PARP14: variants seen among roughly 807,000 people sequenced by gnomAD.
PARP14 encodes the protein protein mono-ADP-ribosyltransferase PARP14.
Under a neutral mutation model 154.2 loss-of-function variants are expected in PARP14, and 59 were observed. The observed-to-expected ratio is 0.38, with a 90% CI of 0.31 to 0.48. The LOEUF is 0.48. Ranked by LOEUF, PARP14 falls within the 20% of genes least tolerant of loss-of-function variation. The probability of loss-of-function intolerance (pLI) is 0.98; values close to 1 mark genes in which losing one functional copy is unlikely to be tolerated. For synonymous variants in PARP14, 720 were observed against 780.5 expected, an observed-to-expected ratio of 0.92 and a Z score of 1.29; for missense variants, 1,734 against 2,131.6, an observed-to-expected ratio of 0.81 and a Z score of 3.67.
At chr3:122,687,214 A>G (rs1938400598) in intron 3 of PARP14, 101 bp downstream of exon 3, 3 of 790,578 alleles carry the variant, frequency 3.8e-6, no homozygotes, top group South Asian at 3.0e-5. Flanking sequence ...GACTTCCACT[A>G]TGCAGGATGT....
At chr3:122,714,962 G>C (rs1174193139) in intron 12 of PARP14, among the ~76,000 whole-genome samples, 1 of 152,196 alleles carries the variant, frequency 6.6e-6, no homozygotes, top group Non-Finnish European at 1.5e-5. Flanking sequence ...CCAGAACCTA[G>C]TGGGTCAGAA....
At position 122,720,710 on chromosome 3, in the gene PARP14, C is replaced by T. The variant is rs1161909054; in HGVS notation, c.4941+322C>T. ...ATAGCTAGCAAATTCCACAGAGAGCCATGCAGAGGCTCCTTAGATCAGGAC... is the reference window on the plus strand; with the variant it reads ...ATAGCTAGCAAATTCCACAGAGAGCTATGCAGAGGCTCCTTAGATCAGGAC... On this transcript the variant is annotated intron_variant, in intron 15 of 16. Coordinates refer to ENST00000474629, the MANE Select transcript of PARP14 (RefSeq NM_017554.3). 4 of 455,278 alleles carry T rather than the reference C, an allele frequency of 8.8e-6. No individual in the cohort carries two copies. In the East Asian group the frequency reaches 1.9e-4, roughly 22 times the overall value. The allele number at this position is 455,278 out of a possible 1,614,324, so 28.2% of individuals were successfully genotyped here.
chr3:122,689,253 T>G (rs1938467637), intron 3 of PARP14, among the ~76,000 whole-genome samples: 1 of 152,222 alleles, frequency 6.6e-6, no homozygotes, highest in African/African-American at 2.4e-5. Context: ...ACAATCAGTC[T>G]GCTCGTCACC....
At chr3:122,703,234 G>A (rs766156900) in intron 6 of PARP14, among the ~76,000 whole-genome samples, 6 of 152,030 alleles carry the variant, frequency 3.9e-5, no homozygotes, top group Non-Finnish European at 7.4e-5. Flanking sequence ...AAAAGCTTCC[G>A]GGGCTGCTCC....
At chr3:122,708,112 C>A in intron 8 of PARP14, 78 bp from the exon 9 acceptor site, 1 of 718,666 alleles carries the variant, frequency 1.4e-6, no homozygotes, top group Non-Finnish European at 2.4e-6. Context: ...TGTGTGCATG[C>A]AGGACAAAAC....
chr3:122,718,233 G>T lies in PARP14; in HGVS notation c.4163G>T (p.Gly1388Val). The T allele has an allele frequency of 6.2e-7, 1 of 1,613,524 alleles. No homozygotes were observed. Residue 1388 changes from glycine to valine, a missense_variant, in exon 13 of 17, where the codon GGG (glycine) becomes GTG (valine). Physicochemically the swap from Gly to Val is moderately radical, Grantham distance 109 (BLOSUM62 -3). Around this residue, in one of 2 missense-constraint regions of PARP14, gnomAD observed 1,646 missense variants for 1,976.0 expected, o/e 0.83. Coordinates refer to ENST00000474629, the MANE Select transcript of PARP14 (RefSeq NM_017554.3). ...VFYANMKKRE[G>V]TQLSSQQSVM... ...TATGCCAACATGAAGAAAAGAGAAGGGACTCAGCTTTCTTCCCAACAGTCT... is the reference window on the plus strand; with the variant it reads ...TATGCCAACATGAAGAAAAGAGAAGTGACTCAGCTTTCTTCCCAACAGTCT...
chr3:122,695,416 TG>T lies in PARP14; in HGVS notation c.599-8del. On this transcript the variant is annotated splice_polypyrimidine_tract_variant and intron_variant, in intron 4 of 16. Coordinates refer to ENST00000474629, the MANE Select transcript of PARP14 (RefSeq NM_017554.3). ...TACTGATTTTCTTTCTTTTTTTTTTTGGTTTGTAGATACTATAAGATTTGTT... is the reference window on the plus strand; with the variant it reads ...TACTGATTTTCTTTCTTTTTTTTTTTGTTTGTAGATACTATAAGATTTGTT... 7 of 1,252,764 alleles carry T rather than the reference TG, an allele frequency of 5.6e-6. No homozygotes were observed. The highest frequency in any genetic ancestry group is 2.3e-5 in the Admixed American group (1 of 43,328). 77.6% of individuals were successfully genotyped at this position (1,252,764 alleles called of 1,614,324 possible). A position where few individuals can be genotyped will look rare whatever the true frequency, so the allele number is the denominator to read the frequency against.
chr3:122,710,380 T>C (rs1223199859), intron 9 of PARP14, among the ~76,000 whole-genome samples: 1 of 152,242 alleles, frequency 6.6e-6, no homozygotes, highest in African/African-American at 2.4e-5. Context: ...TATTTGACTT[T>C]ATTTCTTGAC....
At chr3:122,695,367 C>G in intron 4 of PARP14, 59 bp from the exon 5 acceptor site, 4 of 853,328 alleles carry the variant, frequency 4.7e-6, no homozygotes, top group Non-Finnish European at 5.6e-6. Flanking sequence ...TTCTTCTATA[C>G]AACATAAAGA....
At position 122,681,106 on chromosome 3, in the gene PARP14, C is replaced by A; in HGVS notation, c.187+36C>A. 1 of 1,507,598 alleles carries A rather than the reference C, an allele frequency of 6.6e-7. No homozygotes were observed. The highest frequency in any genetic ancestry group is 2.3e-5 in the East Asian group (1 of 43,954). The allele number at this position is 1,507,598 out of a possible 1,614,324, so 93.4% of individuals were successfully genotyped here. ...CGAGGGGTGGGGTGAGGAGGGGGCACCTCTGCCCTCCCTCCAGGGAAATGG... is the reference window on the plus strand; with the variant it reads ...CGAGGGGTGGGGTGAGGAGGGGGCAACTCTGCCCTCCCTCCAGGGAAATGG... On this transcript the variant is annotated intron_variant, in intron 1 of 16. Coordinates refer to ENST00000474629, the MANE Select transcript of PARP14 (RefSeq NM_017554.3). The surrounding 1 kb of genome is among the most constrained non-coding windows in gnomAD (Gnocchi z 5.5).
chr3:122,703,972 A>G lies in PARP14; in HGVS notation c.3312A>G (p.Ser1104=), dbSNP rs1452437219. The G allele has an allele frequency of 1.9e-6, 3 of 1,610,952 alleles. No individual in the cohort carries two copies. In the South Asian group the frequency reaches 3.3e-5, roughly 18 times the overall value. ...AGTGGAGAAATGGTAGCACATCTTC[A>G]CTCAAGGTTGGGCCTGGTTTTGAAT... The part of the protein sequence containing the change: ...APEWRNGSTS[S]LKIMEDIIRE... The change falls in exon 7 of 17, where the codon TCA becomes TCG. Residue 1104 remains serine (S), a synonymous_variant. Transcript: ENST00000474629.
chr3:122,697,734 C>T lies in PARP14; in HGVS notation c.836-1656C>T, dbSNP rs150994425. The stretch of plus-strand genomic sequence containing the variant: ...TCTTAAGAGAATTTTCATTGAACAC[C>T]TATGTCTGTAAGATCTTTTGCTGTT... On this transcript the variant is annotated intron_variant, in intron 5 of 16. Transcript: ENST00000474629. 5.9e-5 allele frequency among the ~76,000 whole-genome samples: 9 copies of T among 152,294 alleles called. No homozygotes were observed. The East Asian group carries it at 1.5e-3, about 26-fold the overall frequency.
intron 3 of PARP14, among the ~76,000 whole-genome samples, chr3:122,688,710 G>A (rs1484599832): frequency 6.6e-6 from 1 of 152,162 alleles, no homozygotes; most frequent in Non-Finnish European, 1.5e-5. Context: ...GGTACTGACT[G>A]GATTCTGTTT....
At chr3:122,713,768 G>A (rs1432579226) in intron 10 of PARP14, 104 bp from the exon 11 acceptor site, 2 of 922,692 alleles carry the variant, frequency 2.2e-6, no homozygotes, top group Non-Finnish European at 3.5e-6. Flanking sequence ...CCAATTAGAG[G>A]ATTCCTCAGA....
Position 122,699,824 on chromosome 3 carries a change from A to G in PARP14, c.1270A>G (p.Ile424Val), listed in dbSNP as rs1368660943. 5 of 1,613,986 alleles carry G rather than the reference A, an allele frequency of 3.1e-6. No individual in the cohort carries two copies. In the East Asian group the frequency reaches 8.9e-5, roughly 29 times the overall value. ...TGATGTGAAAGATGACAGGATTTTG[A>G]TTGAGTTTGATACACTTAAGGAGAT... Reference protein sequence around the residue: ...KNDVKDDRILIEFDTLKEMVI... With the variant: ...KNDVKDDRILVEFDTLKEMVI... The change falls in exon 6 of 17, where the codon ATT (isoleucine) becomes GTT (valine). Residue 424 changes from isoleucine to valine, a missense_variant. Transcript: ENST00000474629.
At chr3:122,722,938 T>A (rs1048954670) in intron 15 of PARP14, among the ~76,000 whole-genome samples, 3 of 151,054 alleles carry the variant, frequency 2.0e-5, no homozygotes, top group South Asian at 2.1e-4. Context: ...ATTTCATATT[T>A]TTTTTTTTTT....
chr3:122,697,512 C>T (rs189718965), intron 5 of PARP14, among the ~76,000 whole-genome samples: 11 of 152,264 alleles, frequency 7.2e-5, no homozygotes, highest in African/African-American at 2.6e-4. Context: ...TCCTGTTCAC[C>T]TATAACGTTA....
At chr3:122,694,621 G>A (rs1266150279) in intron 4 of PARP14, among the ~76,000 whole-genome samples, 1 of 152,148 alleles carries the variant, frequency 6.6e-6, no homozygotes, top group Non-Finnish European at 1.5e-5. Flanking sequence ...CTCACTACAA[G>A]TGATTCTCCT....
At position 122,728,804 on chromosome 3, in the gene PARP14, A is replaced by G. The variant is rs1373048596; in HGVS notation, c.*207A>G. The G allele has an allele frequency of 3.7e-6, 2 of 534,004 alleles. No individual in the cohort carries two copies. The highest frequency in any genetic ancestry group is 6.7e-6 in the Non-Finnish European group (2 of 298,668). The allele number at this position is 534,004 out of a possible 1,614,324, so 33.1% of individuals were successfully genotyped here. On this transcript the variant is annotated 3_prime_UTR_variant, in exon 17 of 17. Coordinates refer to ENST00000474629, the MANE Select transcript of PARP14 (RefSeq NM_017554.3). ...TGAGAGCAAATAACTTGGAAAATTT[A>G]AATGAGATAATGCAGTTGCAACTGT... is the stretch of plus-strand genomic sequence containing the variant.
Sources: allele counts gnomAD v4.1 joint callset (sites outside exome capture counted in the v4.1 genomes callset), GRCh38; gene constraint gnomAD v4.1.1; regional missense constraint gnomAD v4.1.1; non-coding constraint Gnocchi (gnomAD v3.1); transcripts MANE v1.5; gene names NCBI Gene and HGNC (gene_info 2026-07-23, HGNC 2026-07-21).